The following ZMYM2 variants were observed in gnomAD, a reference collection of about 807,000 sequenced individuals.
ZMYM2 encodes the protein zinc finger MYM-type containing 2.
A neutral mutation model predicts 162.8 loss-of-function variants in ZMYM2; 56 were observed. The observed-to-expected ratio is 0.34, with a 90% CI of 0.28 to 0.43. The LOEUF is 0.43. ZMYM2 is among the 20% of genes least tolerant of loss of function. ZMYM2 has a pLI of 1.00. For missense variants in ZMYM2, 1,275 were observed against 1,621.8 expected (o/e 0.79, Z 3.67); for synonymous variants, 510 against 541.6 (o/e 0.94, Z 0.81).
At chr13:19,955,836 G>C (rs1954499807), upstream of ZMYM2, among the ~76,000 whole-genome samples, 1 of 152,200 alleles carries the variant, frequency 6.6e-6, no homozygotes, top group African/African-American at 2.4e-5. Flanking sequence ...TGGACTCAGA[G>C]AGAAGGTAAG....
At chr13:20,065,590 G>C (rs1232727910) in intron 19 of ZMYM2, among the ~76,000 whole-genome samples, 3 of 152,158 alleles carry the variant, frequency 2.0e-5, no homozygotes, top group Admixed American at 6.5e-5. Context: ...GATTGGTGGA[G>C]CCCAAGAGTT....
the ZMYM2 span, among the ~76,000 whole-genome samples, chr13:19,922,431 A>G: frequency 3.9e-5 from 6 of 152,202 alleles, no homozygotes; most frequent in Admixed American, 3.3e-4. Context: ...GACGTCATAC[A>G]TGCTTCTAGG....
intron 12 of ZMYM2, among the ~76,000 whole-genome samples, chr13:20,040,126 C>T (rs963271670): frequency 1.3e-5 from 2 of 152,180 alleles, no homozygotes; most frequent in African/African-American, 4.8e-5. Flanking sequence ...AGAAGTCCCC[C>T]CTCCTCAATT....
chr13:19,967,187 T>G (rs941097708), intron 2 of ZMYM2, among the ~76,000 whole-genome samples: 1 of 152,194 alleles, frequency 6.6e-6, no homozygotes, highest in Non-Finnish European at 1.5e-5. Flanking sequence ...AAGAGCACAG[T>G]ATCTGTAATA....
the ZMYM2 span, among the ~76,000 whole-genome samples, chr13:19,948,666 A>G: frequency 6.6e-6 from 1 of 152,216 alleles, no homozygotes; most frequent in Admixed American, 6.5e-5. Context: ...AAACTCTAAT[A>G]TATTAAACTA....
chr13:20,016,926 C>G (rs893873013), intron 6 of ZMYM2, among the ~76,000 whole-genome samples: 6 of 152,066 alleles, frequency 3.9e-5, no homozygotes, highest in Non-Finnish European at 8.8e-5. Context: ...AATCTTTTGC[C>G]CCTTTCTCTT....
At chr13:20,065,430 A>G (rs1956599546) in intron 19 of ZMYM2, among the ~76,000 whole-genome samples, 1 of 152,174 alleles carries the variant, frequency 6.6e-6, no homozygotes, top group African/African-American at 2.4e-5. Flanking sequence ...CACAGGGAAG[A>G]AAAGGAAAAA....
chr13:19,863,926 G>T, the ZMYM2 span: 3 of 20,386 alleles, frequency 1.5e-4, no homozygotes, highest in Non-Finnish European at 1.1e-3. Context: ...GTCCGCCAGG[G>T]TCAGGAGCCC....
At chr13:20,064,414 A>G in intron 18 of ZMYM2, 37 bp from the exon 19 acceptor site, 1 of 1,533,266 alleles carries the variant, frequency 6.5e-7, no homozygotes, top group Non-Finnish European at 8.8e-7. Flanking sequence ...ACCCTGTGCT[A>G]TTTCATTTAA....
At chr13:20,044,504 A>G (rs1475304348) in intron 12 of ZMYM2, among the ~76,000 whole-genome samples, 1 of 152,188 alleles carries the variant, frequency 6.6e-6, no homozygotes, top group African/African-American at 2.4e-5. Context: ...GGAGTGCACC[A>G]GTACTCTCAG....
chr13:19,879,910 T>C, the ZMYM2 span, among the ~76,000 whole-genome samples: 1 of 152,210 alleles, frequency 6.6e-6, no homozygotes, highest in African/African-American at 2.4e-5. Context: ...TGCGTAAGCA[T>C]TCTGCAATCT....
At chr13:20,008,383 G>A (rs1046343965) in intron 6 of ZMYM2, among the ~76,000 whole-genome samples, 8 of 152,096 alleles carry the variant, frequency 5.3e-5, no homozygotes, top group African/African-American at 1.9e-4. Flanking sequence ...TGCCCACCTC[G>A]GCCTTCCAAA....
At chr13:19,871,629 C>T in the ZMYM2 span, among the ~76,000 whole-genome samples, 2 of 152,076 alleles carry the variant, frequency 1.3e-5, no homozygotes, top group South Asian at 4.1e-4. Context: ...ACTGAAAAAT[C>T]CATAATTATG....
intron 2 of ZMYM2, among the ~76,000 whole-genome samples, chr13:19,962,107 C>T (rs911710490): frequency 2.0e-5 from 3 of 152,142 alleles, no homozygotes; most frequent in African/African-American, 4.8e-5. Context: ...TCCTGAATCA[C>T]TCAAGTATGA....
At chr13:20,008,278 A>G (rs1280397960) in intron 6 of ZMYM2, among the ~76,000 whole-genome samples, 1 of 152,102 alleles carries the variant, frequency 6.6e-6, no homozygotes, top group Non-Finnish European at 1.5e-5. Context: ...TTACAGGCAC[A>G]TGCCACCATG....
chr13:20,085,663 CTT>C (rs1290751364), intron 24 of ZMYM2, among the ~76,000 whole-genome samples, 157 bp from the exon 25 acceptor site: 4 of 152,068 alleles, frequency 2.6e-5, no homozygotes, highest in African/African-American at 9.7e-5. Flanking sequence ...CAGAAAATAA[CTT>C]TGAGAATATT....
chr13:19,932,009 A>G, the ZMYM2 span, among the ~76,000 whole-genome samples: 2 of 152,336 alleles, frequency 1.3e-5, no homozygotes, highest in South Asian at 2.1e-4. Context: ...GTTAATTTTT[A>G]TTCTCATTAC....
chr13:20,053,507 C>T lies in ZMYM2; in HGVS notation c.2493+1196C>T, dbSNP rs547342629. On this transcript the variant is annotated intron_variant, in intron 14 of 24. Coordinates refer to ENST00000610343, the MANE Select transcript of ZMYM2 (RefSeq NM_197968.4). ...CTCTACTAAAAATACAAAAAATTAG[C>T]CGGGCGTGGTGGTGGGCACCTGTAA... Among the ~76,000 whole-genome samples, 8 of 152,200 alleles carry T rather than the reference C, an allele frequency of 5.3e-5. 1 individual carries two copies. The South Asian group carries it at 1.7e-3, about 32-fold the overall frequency.
chr13:19,961,537 CAT>C (rs1333722446), intron 2 of ZMYM2, among the ~76,000 whole-genome samples: 1 of 152,154 alleles, frequency 6.6e-6, no homozygotes, highest in African/African-American at 2.4e-5. Context: ...CTTATCGCCA[CAT>C]ATTTTCACAA....
Sources: gnomAD v4.1 joint callset for allele counts (sites outside exome capture counted in the v4.1 genomes callset) on GRCh38, gnomAD v4.1.1 for gene constraint, MANE v1.5 for transcripts, NCBI Gene and HGNC (gene_info 2026-07-23, HGNC 2026-07-21) for gene names.